KLHL7: variants seen among roughly 807,000 people sequenced by gnomAD.
KLHL7 encodes the protein kelch like family member 7, also known as kelch-like protein 7.
A neutral mutation model predicts 67.4 loss-of-function variants in KLHL7; 44 were observed. That is an observed-to-expected ratio of 0.65 (90% CI 0.51 to 0.84). KLHL7 has a LOEUF of 0.84. Among genes scored for constraint, KLHL7 ranks in the 40% least tolerant of loss-of-function variants. The pLI, the probability that KLHL7 is intolerant of heterozygous loss-of-function variation, is 0.00. For missense variants in KLHL7, 362 were observed against 718.1 expected, an observed-to-expected ratio of 0.50 and a Z score of 5.67; for synonymous variants, 252 against 243.3, an observed-to-expected ratio of 1.04 and a Z score of -0.33.
At chr7:23,127,097 T>TA (rs1783602398) in intron 4 of KLHL7, among the ~76,000 whole-genome samples, 1 of 152,184 alleles carries the variant, frequency 6.6e-6, no homozygotes, top group African/African-American at 2.4e-5. Flanking sequence ...AAACGGGGAA[T>TA]TACCTTAATT....
At chr7:23,142,396 T>C (rs547769139) in intron 5 of KLHL7, among the ~76,000 whole-genome samples, 8 of 152,270 alleles carry the variant, frequency 5.3e-5, no homozygotes, top group African/African-American at 1.9e-4. Flanking sequence ...TGCCCAGTCT[T>C]CTTCGTGGCC....
In KLHL7 at chr7:23,135,973, C is replaced by T. The variant is rs565869998; in HGVS notation, c.443-4796C>T. Among the ~76,000 whole-genome samples, 27 of 152,278 alleles carry T rather than the reference C, an allele frequency of 1.8e-4. No individual in the cohort carries two copies. In the South Asian group the frequency reaches 5.6e-3, roughly 32 times the overall value. ...GTGTGACTTGCTATAGCCTGTGGAA[C>T]ATTAGCAAATGTGAAGTTAGCAGAG... On this transcript the variant is annotated intron_variant, in intron 4 of 10. Transcript: ENST00000339077.
chr7:23,125,321 G>A, intron 4 of KLHL7, 149 bp downstream of exon 4: 2 of 734,370 alleles, frequency 2.7e-6, no homozygotes, highest in Non-Finnish European at 4.4e-6. Context: ...AATTTAAGAG[G>A]GGCTTAGAGA....
intron 6 of KLHL7, among the ~76,000 whole-genome samples, chr7:23,145,154 A>G (rs911089717): frequency 2.6e-5 from 4 of 152,050 alleles, no homozygotes; most frequent in Admixed American, 1.3e-4. Flanking sequence ...GCTGAAAATC[A>G]TTTTCAGTTA....
intron 7 of KLHL7, chr7:23,156,032 A>T (rs1409907090): frequency 2.1e-6 from 1 of 466,880 alleles, no homozygotes; most frequent in Non-Finnish European, 4.4e-6. Flanking sequence ...CCTGGAAGTG[A>T]GACTGTAACT....
chr7:23,141,298 C>G (rs1562572348), intron 5 of KLHL7, among the ~76,000 whole-genome samples: 1 of 152,172 alleles, frequency 6.6e-6, no homozygotes, highest in Non-Finnish European at 1.5e-5. Context: ...CCAGTGTAAT[C>G]ATAAAGATCC....
intron 2 of KLHL7, among the ~76,000 whole-genome samples, chr7:23,124,190 CAAAAAAAAAAAA>C (rs149801497): frequency 7.7e-3 from 200 of 25,852 alleles, no homozygotes; most frequent in South Asian, 0.026. Context: ...GACTCTGTCT[CAAAAAAAAAAAA>C]AAAAAAAAAA....
intron 1 of KLHL7, chr7:23,117,724 T>C (rs920991516): frequency 1.9e-6 from 2 of 1,025,794 alleles, no homozygotes; most frequent in African/African-American, 3.3e-5. Context: ...CTTTTTAATG[T>C]TTCTTAGCCT....
intron 7 of KLHL7, among the ~76,000 whole-genome samples, chr7:23,161,951 T>C (rs889262227): frequency 6.6e-6 from 1 of 152,186 alleles, no homozygotes; most frequent in African/African-American, 2.4e-5. Context: ...AGTTGAGCGT[T>C]GTGCTTATAA....
At chr7:23,152,621 C>T (rs6945510) in intron 7 of KLHL7, among the ~76,000 whole-genome samples, 66,382 of 151,714 alleles carry the variant, frequency 0.44, 16,361 homozygotes, top group African/African-American at 0.68. Flanking sequence ...ATTTGGAAAC[C>T]CTAGAAAACC....
intron 4 of KLHL7, among the ~76,000 whole-genome samples, chr7:23,131,750 T>G (rs1056467636): frequency 1.3e-4 from 20 of 150,482 alleles, no homozygotes; most frequent in Admixed American, 3.3e-4. Flanking sequence ...TTTTTTTTTT[T>G]TTGGTACCCA....
intron 1 of KLHL7, among the ~76,000 whole-genome samples, chr7:23,115,503 A>AT (rs1379964227): frequency 6.6e-6 from 1 of 151,788 alleles, no homozygotes; most frequent in African/African-American, 2.4e-5. Flanking sequence ...TATTCAATGT[A>AT]TATTGATGCT....
Position 23,105,852 on chromosome 7 carries a change from G to C in KLHL7, c.-175G>C, listed in dbSNP as rs1160045599. On this transcript the variant is annotated 5_prime_UTR_variant, in exon 1 of 11. Transcript: ENST00000339077. ...CTGAGCGTTTCTAAGGGGGCCGCCC[G>C]GCCTTGTCTTTCGGCAGTGGCCGAG... is the stretch of plus-strand genomic sequence containing the variant. The C allele has an allele frequency of 2.1e-6, 2 of 953,250 alleles. No individual in the cohort carries two copies. Among genetic ancestry groups the C allele is most frequent in the East Asian group, 2.7e-5 (1 of 37,288 alleles). 59.0% of individuals were successfully genotyped at this position (953,250 alleles called of 1,614,324 possible). A position where few individuals can be genotyped will look rare whatever the true frequency, so the allele number is the denominator to read the frequency against.
At chr7:23,170,959 A>G (rs1353817734) in intron 9 of KLHL7, among the ~76,000 whole-genome samples, 1 of 145,144 alleles carries the variant, frequency 6.9e-6, no homozygotes, top group Admixed American at 7.1e-5. Context: ...CCATGCTGGA[A>G]TGCAGTGGCA....
At chr7:23,107,153 CTT>C (rs1318457021) in intron 1 of KLHL7, among the ~76,000 whole-genome samples, 7 of 152,186 alleles carry the variant, frequency 4.6e-5, no homozygotes, top group Non-Finnish European at 1.0e-4. Flanking sequence ...GGGATTTTGT[CTT>C]TGTTCACCAG....
At chr7:23,113,951 A>G (rs138875231) in intron 1 of KLHL7, among the ~76,000 whole-genome samples, 1 of 152,074 alleles carries the variant, frequency 6.6e-6, no homozygotes, top group Non-Finnish European at 1.5e-5. Context: ...TTGAGAATGA[A>G]TTCTGCTACA....
intron 9 of KLHL7, among the ~76,000 whole-genome samples, chr7:23,168,856 C>G (rs1785075122): frequency 6.6e-6 from 1 of 152,200 alleles, no homozygotes; most frequent in South Asian, 2.1e-4. Flanking sequence ...CACTAAAATG[C>G]TATGCCAGAG....
chr7:23,110,059 T>C (rs1231367596), intron 1 of KLHL7, among the ~76,000 whole-genome samples: 3 of 152,220 alleles, frequency 2.0e-5, no homozygotes, highest in Non-Finnish European at 4.4e-5. Flanking sequence ...AATATCTCAC[T>C]GGGCAACTTC....
chr7:23,125,353 CAGCAAGCTT>C, intron 4 of KLHL7, 181 bp downstream of exon 4: 1 of 606,910 alleles, frequency 1.6e-6, no homozygotes, highest in Non-Finnish European at 2.8e-6. Context: ...ACCTGGGCAG[CAGCAAGCTT>C]ATTAAATATT....
Sources: gnomAD v4.1 joint callset for allele counts (sites outside exome capture counted in the v4.1 genomes callset) on GRCh38, gnomAD v4.1.1 for gene constraint, MANE v1.5 for transcripts, NCBI Gene and HGNC (gene_info 2026-07-23, HGNC 2026-07-21) for gene names.